CEP85L: variants seen among roughly 807,000 people sequenced by gnomAD.
CEP85L encodes the protein centrosomal protein 85L.
Under a neutral mutation model 100.3 loss-of-function variants are expected in CEP85L, and 60 were observed. That is an observed-to-expected ratio of 0.60 (90% CI 0.49 to 0.74). The LOEUF (loss-of-function observed/expected upper bound fraction) is 0.74, where lower values mean the gene tolerates loss of function less well. Among genes scored for constraint, CEP85L ranks in the 30% least tolerant of loss-of-function variants. The pLI is 0.00. For missense variants in CEP85L, 973 were observed against 936.2 expected (o/e 1.04, Z -0.51); for synonymous variants, 319 against 322.7 (o/e 0.99, Z 0.12).
At chr6:118,536,299 G>T (rs1482831804) in intron 3 of CEP85L, among the ~76,000 whole-genome samples, 1 of 152,058 alleles carries the variant, frequency 6.6e-6, no homozygotes, top group Non-Finnish European at 1.5e-5. Context: ...TAGGATATAA[G>T]GTGTCACCAT....
intron 1 of CEP85L, among the ~76,000 whole-genome samples, chr6:118,689,696 G>A (rs1467915393): frequency 6.6e-6 from 1 of 152,174 alleles, no homozygotes; most frequent in East Asian, 1.9e-4. Flanking sequence ...ACCAGCAGAA[G>A]AACCAACCAT....
At chr6:118,651,654 C>T (rs1409957600), upstream of CEP85L, 2 of 895,184 alleles carry the variant, frequency 2.2e-6, no homozygotes, top group Admixed American at 1.6e-4. Flanking sequence ...GGGCCTCGGG[C>T]AATGACTTCA....
In CEP85L at chr6:118,463,597, G is replaced by C. The variant is rs1270139705; in HGVS notation, c.*1808C>G. On this transcript the variant is annotated 3_prime_UTR_variant, in exon 13 of 13. Coordinates refer to ENST00000368491, the MANE Select transcript of CEP85L (RefSeq NM_001042475.3). Reference sequence around the variant, plus strand: ...GTTAAAAACCAAGTGAATATAATTAGAAAGCCAAGTTCTTACCAGTGACTA... The same window carrying C: ...GTTAAAAACCAAGTGAATATAATTACAAAGCCAAGTTCTTACCAGTGACTA... 1.3e-5 allele frequency: 2 copies of C among 151,986 alleles called. No individual in the cohort carries two copies. Among genetic ancestry groups the C allele is most frequent in the Non-Finnish European group, 2.9e-5 (2 of 67,940 alleles). The allele number at this position is 151,986 out of a possible 1,614,324, so 9.4% of individuals were successfully genotyped here. A position where few individuals can be genotyped will look rare whatever the true frequency, so the allele number is the denominator to read the frequency against.
At chr6:118,577,996 C>A (rs889425365) in intron 2 of CEP85L, among the ~76,000 whole-genome samples, 8 of 152,104 alleles carry the variant, frequency 5.3e-5, no homozygotes, top group Admixed American at 3.3e-4. Flanking sequence ...AGTTCGTACT[C>A]CTAAATGACC....
intron 2 of CEP85L, among the ~76,000 whole-genome samples, chr6:118,575,739 T>TA (rs1261619783): frequency 6.6e-6 from 1 of 152,126 alleles, no homozygotes; most frequent in East Asian, 1.9e-4. Flanking sequence ...ATGCAGTCCT[T>TA]AGAGTCTATG....
intron 2 of CEP85L, among the ~76,000 whole-genome samples, chr6:118,574,791 T>C (rs935408918): frequency 6.6e-6 from 1 of 152,200 alleles, no homozygotes; most frequent in Non-Finnish European, 1.5e-5. Context: ...TGAAAGTGTG[T>C]GAATGAGACA....
chr6:118,527,830 T>C (rs1231127472), intron 3 of CEP85L, among the ~76,000 whole-genome samples: 3 of 152,308 alleles, frequency 2.0e-5, no homozygotes, highest in East Asian at 3.9e-4. Flanking sequence ...TACTGAGTTA[T>C]ACATTATTTA....
intron 2 of CEP85L, among the ~76,000 whole-genome samples, chr6:118,608,077 G>A (rs1031134763): frequency 6.6e-5 from 10 of 152,118 alleles, no homozygotes; most frequent in Non-Finnish European, 7.4e-5. Context: ...AGCTCTTTAG[G>A]CACTAGAGAT....
intron 9 of CEP85L, 143 bp from the exon 10 acceptor site, chr6:118,480,064 T>G: frequency 1.8e-6 from 1 of 551,192 alleles, no homozygotes; most frequent in Non-Finnish European, 3.1e-6. Flanking sequence ...TCCTTATGAT[T>G]TGGGTCACAC....
At chr6:118,489,917 A>G (rs1294198770) in intron 6 of CEP85L, among the ~76,000 whole-genome samples, 1 of 152,062 alleles carries the variant, frequency 6.6e-6, no homozygotes, top group East Asian at 1.9e-4. Context: ...GAGCAACATA[A>G]ATGTTATATA....
intron 6 of CEP85L, among the ~76,000 whole-genome samples, chr6:118,486,342 G>A (rs1774180736): frequency 1.3e-5 from 2 of 152,162 alleles, no homozygotes; most frequent in Non-Finnish European, 2.9e-5. Flanking sequence ...TCTTTTCAAA[G>A]AGGTATGACG....
intron 1 of CEP85L, among the ~76,000 whole-genome samples, chr6:118,637,701 C>T (rs1268971969): frequency 1.0e-4 from 1 of 9,954 alleles, no homozygotes; most frequent in Non-Finnish European, 2.5e-4. Flanking sequence ...GCAAGACTGT[C>T]TCAAAAAAAA....
At chr6:118,598,960 G>A (rs1357937073) in intron 2 of CEP85L, among the ~76,000 whole-genome samples, 1 of 152,162 alleles carries the variant, frequency 6.6e-6, no homozygotes, top group African/African-American at 2.4e-5. Context: ...CTGCTGTCTG[G>A]ATTAGAGTCA....
At chr6:118,654,867 A>G (rs532437017), upstream of CEP85L, among the ~76,000 whole-genome samples, 6 of 152,340 alleles carry the variant, frequency 3.9e-5, no homozygotes, top group South Asian at 1.2e-3. Flanking sequence ...AATACAGACA[A>G]ACATACAATT....
chr6:118,689,135 G>A (rs1164359325), intron 1 of CEP85L, among the ~76,000 whole-genome samples: 3 of 151,988 alleles, frequency 2.0e-5, no homozygotes, highest in Non-Finnish European at 2.9e-5. Context: ...GGATTACCTC[G>A]CCACTACACA....
intron 1 of CEP85L, among the ~76,000 whole-genome samples, chr6:118,696,472 T>A (rs530736685): frequency 7.5e-4 from 114 of 152,298 alleles, no homozygotes; most frequent in African/African-American, 2.6e-3. Flanking sequence ...TTTCTGCTGC[T>A]AGCAAGTTGG....
At chr6:118,474,645 G>A (rs1773212584) in intron 10 of CEP85L, among the ~76,000 whole-genome samples, 1 of 152,204 alleles carries the variant, frequency 6.6e-6, no homozygotes, top group African/African-American at 2.4e-5. Flanking sequence ...AGCTACTAGA[G>A]TGGGGGTACC....
chr6:118,681,962 A>T (rs1776677270), intron 1 of CEP85L, among the ~76,000 whole-genome samples: 1 of 151,456 alleles, frequency 6.6e-6, no homozygotes, highest in Admixed American at 6.6e-5. Context: ...CTGGTCTCAA[A>T]CTCCTGACCT....
chr6:118,570,854 T>G (rs561298491), intron 2 of CEP85L, among the ~76,000 whole-genome samples: 1 of 152,218 alleles, frequency 6.6e-6, no homozygotes, highest in South Asian at 2.1e-4. Context: ...AACTGTGACA[T>G]TCAGAATTCA....
Sources: gnomAD v4.1 joint callset for allele counts (sites outside exome capture counted in the v4.1 genomes callset) on GRCh38, gnomAD v4.1.1 for gene constraint, MANE v1.5 for transcripts, NCBI Gene and HGNC (gene_info 2026-07-23, HGNC 2026-07-21) for gene names.